LIPI: variants seen among roughly 807,000 people sequenced by gnomAD.
LIPI encodes the protein lipase I.
In LIPI, 59 loss-of-function variants were observed where a neutral mutation model predicts 50.6. That is an observed-to-expected ratio of 1.16 (90% CI 0.94 to 1.45). The LOEUF is 1.45. LIPI is among the 40% of genes most tolerant of loss of function. The pLI is 0.00. For missense variants in LIPI, 586 were observed against 536.3 expected, an observed-to-expected ratio of 1.09 and a Z score of -0.92; for synonymous variants, 203 against 178.2, an observed-to-expected ratio of 1.14 and a Z score of -1.11.
intron 4 of LIPI, among the ~76,000 whole-genome samples, chr21:14,173,577 G>A (rs141047396): frequency 7.1e-4 from 108 of 152,272 alleles, no homozygotes; most frequent in African/African-American, 2.5e-3. Flanking sequence ...TTAATCTGGG[G>A]CACAAAAGAT....
At chr21:14,192,644 G>C (rs1217539339) in intron 1 of LIPI, among the ~76,000 whole-genome samples, 1 of 152,178 alleles carries the variant, frequency 6.6e-6, no homozygotes, top group Non-Finnish European at 1.5e-5. Context: ...TCCCTGATGA[G>C]ATTATAAGTG....
At chr21:14,198,487 C>T (rs2019938922) in intron 1 of LIPI, among the ~76,000 whole-genome samples, 1 of 152,002 alleles carries the variant, frequency 6.6e-6, no homozygotes, top group South Asian at 2.1e-4. Flanking sequence ...TCTGACAAAA[C>T]AGATTTTAAA....
At chr21:14,159,524 A>T (rs1388380442) in intron 7 of LIPI, among the ~76,000 whole-genome samples, 1 of 151,428 alleles carries the variant, frequency 6.6e-6, no homozygotes, top group African/African-American at 2.4e-5. Context: ...ATCTACAAAA[A>T]AAACTATAAG....
At chr21:14,110,460 C>A (rs1387001864) in intron 9 of LIPI, among the ~76,000 whole-genome samples, 2 of 151,782 alleles carry the variant, frequency 1.3e-5, no homozygotes, top group Non-Finnish European at 2.9e-5. Flanking sequence ...ATACACATTA[C>A]CTCATATAGT....
rs867376360 is a variant in LIPI at position 14,155,362 on chromosome 21, A to G, written c.1007-2678T>C. On this transcript the variant is annotated intron_variant, in intron 7 of 9. Transcript: ENST00000681601. ...CTGTGGGACTATAATAAAAGATGTA[A>G]TATTTCTGCTATTAGAGTGTCAGAA... 1.2e-4 allele frequency among the ~76,000 whole-genome samples: 18 copies of G among 152,090 alleles called. 1 individual carries two copies. The highest frequency in any genetic ancestry group is 6.8e-3 in the Middle Eastern group (2 of 294).
intron 9 of LIPI, among the ~76,000 whole-genome samples, chr21:14,138,974 G>A (rs1360834680): frequency 2.0e-5 from 3 of 152,170 alleles, no homozygotes; most frequent in African/African-American, 7.2e-5. Context: ...ATGAGGCACA[G>A]AAAGGTTAAT....
At chr21:14,186,145 C>T (rs2019449837) in intron 2 of LIPI, 76 bp from the exon 3 acceptor site, 1 of 827,034 alleles carries the variant, frequency 1.2e-6, no homozygotes, top group Admixed American at 1.8e-5. Flanking sequence ...CATATATCGA[C>T]ATTTCAAAAT....
intron 9 of LIPI, among the ~76,000 whole-genome samples, chr21:14,136,066 G>A (rs1417072455): frequency 2.6e-5 from 4 of 152,118 alleles, no homozygotes; most frequent in East Asian, 1.9e-4. Context: ...ACATGCCCTG[G>A]CCCAGAAGGA....
intron 4 of LIPI, among the ~76,000 whole-genome samples, chr21:14,167,155 G>C (rs575358991): frequency 9.8e-5 from 15 of 152,346 alleles, no homozygotes; most frequent in African/African-American, 3.4e-4. Flanking sequence ...CAGCAAGGCT[G>C]GGGGAGGGGT....
intron 9 of LIPI, among the ~76,000 whole-genome samples, chr21:14,121,370 G>T (rs530452795): frequency 5.3e-5 from 8 of 152,238 alleles, no homozygotes; most frequent in Admixed American, 2.0e-4. Flanking sequence ...TATTACCCAT[G>T]GTCCTTCTCT....
chr21:14,170,917 G>A (rs1170323383), intron 4 of LIPI, among the ~76,000 whole-genome samples: 2 of 151,778 alleles, frequency 1.3e-5, no homozygotes, highest in South Asian at 4.2e-4. Context: ...AAAAGAGAAA[G>A]TCAAATTGTA....
chr21:14,206,833 C>T (rs1437278790), intron 1 of LIPI: 1 of 1,608,506 alleles, frequency 6.2e-7, no homozygotes, highest in African/African-American at 1.3e-5. Context: ...AGGCACACAA[C>T]TAGAAGCCAC....
At chr21:14,109,756 C>A (rs746831666) in intron 9 of LIPI, among the ~76,000 whole-genome samples, 9 of 151,812 alleles carry the variant, frequency 5.9e-5, no homozygotes, top group Non-Finnish European at 7.4e-5. Flanking sequence ...TTTTACAAAG[C>A]CTCTACAAGC....
intron 7 of LIPI, among the ~76,000 whole-genome samples, chr21:14,154,636 T>C (rs1175387777): frequency 1.3e-5 from 2 of 152,074 alleles, no homozygotes; most frequent in Non-Finnish European, 2.9e-5. Flanking sequence ...ATAAAGATTC[T>C]AAGGCTCTCT....
chr21:14,153,150 A>G (rs73894174), intron 7 of LIPI, among the ~76,000 whole-genome samples: 12,972 of 152,144 alleles, frequency 0.085, 708 homozygotes, highest in East Asian at 0.27. Flanking sequence ...ATATATATAT[A>G]AGGTAAGGTC....
At position 14,187,978 on chromosome 21, in the gene LIPI, C is replaced by T. The variant is rs1006066754; in HGVS notation, c.432+1056G>A. On this transcript the variant is annotated intron_variant, in intron 2 of 9. Transcript: ENST00000681601. ...CCCTGGCCACTACATATAACGGCTT[C>T]TTGGAAGTGTTGTTATTTGTTCAAT... is the stretch of plus-strand genomic sequence containing the variant. 6.6e-5 allele frequency among the ~76,000 whole-genome samples: 10 copies of T among 152,228 alleles called. No homozygotes were observed. In the East Asian group the frequency reaches 9.7e-4, roughly 15 times the overall value.
intron 1 of LIPI, among the ~76,000 whole-genome samples, chr21:14,189,912 A>T (rs2019610302): frequency 6.6e-6 from 1 of 152,198 alleles, no homozygotes; most frequent in South Asian, 2.1e-4. Flanking sequence ...TTAATATAAC[A>T]TGAATGTTGA....
chr21:14,131,090 A>T (rs962010229), intron 9 of LIPI, among the ~76,000 whole-genome samples: 4 of 152,130 alleles, frequency 2.6e-5, no homozygotes, highest in Non-Finnish European at 4.4e-5. Context: ...GGCTGGGACT[A>T]CAGGCGCCTG....
At chr21:14,165,115 G>A (rs2018629174) in intron 6 of LIPI, 108 bp downstream of exon 6, 1 of 804,072 alleles carries the variant, frequency 1.2e-6, no homozygotes, top group South Asian at 1.5e-5. Context: ...AAATGGTCAT[G>A]TATTAACAAG....
Sources: gnomAD v4.1 joint callset for allele counts (sites outside exome capture counted in the v4.1 genomes callset) on GRCh38, gnomAD v4.1.1 for gene constraint, MANE v1.5 for transcripts, NCBI Gene and HGNC (gene_info 2026-07-23, HGNC 2026-07-21) for gene names.